Variants in ZNF326 observed in about 807,000 individuals in gnomAD.
ZNF326 encodes DBIRD complex subunit ZNF326.
A neutral mutation model predicts 63.1 loss-of-function variants in ZNF326; 30 were observed. The observed-to-expected ratio is 0.48, with a 90% CI of 0.36 to 0.64. The LOEUF (loss-of-function observed/expected upper bound fraction) is 0.64. ZNF326 is among the 30% of genes least tolerant of loss of function. ZNF326 has a pLI of 0.00. For synonymous variants in ZNF326, 194 were observed against 228.2 expected, an observed-to-expected ratio of 0.85 and a Z score of 1.35; for missense variants, 609 against 720.3, an observed-to-expected ratio of 0.85 and a Z score of 1.77.
intron 6 of ZNF326, 127 bp downstream of exon 6, chr1:90,010,413 T>C: frequency 1.0e-6 from 1 of 975,574 alleles, no homozygotes; most frequent in Non-Finnish European, 1.5e-6. Context: ...AGAAGTTAGA[T>C]CTGTAAATCC....
chr1:90,000,240 T>C (rs955857677), intron 2 of ZNF326, among the ~76,000 whole-genome samples: 1 of 152,220 alleles, frequency 6.6e-6, no homozygotes, highest in African/African-American at 2.4e-5. Flanking sequence ...ATATATTTTA[T>C]TGTTAGCACT....
At chr1:90,019,380 CT>C (rs1649655584) in intron 9 of ZNF326, among the ~76,000 whole-genome samples, 1 of 152,172 alleles carries the variant, frequency 6.6e-6, no homozygotes, top group Non-Finnish European at 1.5e-5. Context: ...CTTTCTACTA[CT>C]GTTAGTCTAC....
chr1:90,027,812 A>G lies in ZNF326; in HGVS notation c.*111A>G, dbSNP rs545308891. The G allele has an allele frequency of 1.1e-6, 1 of 945,088 alleles. No individual in the cohort carries two copies. The highest frequency in any genetic ancestry group is 1.6e-6 in the Non-Finnish European group (1 of 638,520). 58.5% of individuals were successfully genotyped at this position (945,088 alleles called of 1,614,324 possible). On this transcript the variant is annotated 3_prime_UTR_variant, in exon 12 of 12. Coordinates refer to ENST00000340281, the MANE Select transcript of ZNF326 (RefSeq NM_182976.4). Reference sequence around the variant, plus strand: ...TTAACACCCATGTTGCATGCATTCCACATATTAAAATTTGTTTTATATAAT... The same window carrying G: ...TTAACACCCATGTTGCATGCATTCCGCATATTAAAATTTGTTTTATATAAT...
Position 90,031,196 on chromosome 1 carries a change from G to A in ZNF326, c.*3495G>A, listed in dbSNP as rs1237441341. 1.3e-5 allele frequency: 2 copies of A among 152,098 alleles called. No homozygotes were observed. The highest frequency in any genetic ancestry group is 4.8e-5 in the African/African-American group (2 of 41,404). 9.4% of individuals were successfully genotyped at this position (152,098 alleles called of 1,614,324 possible). A position where few individuals can be genotyped will look rare whatever the true frequency, so the allele number is the denominator to read the frequency against. On this transcript the variant is annotated 3_prime_UTR_variant, in exon 12 of 12. Transcript: ENST00000340281. ...CAGACCTGTGGGAGTCAGAAAATGG[G>A]GACTTTTCCCCCCTCATTTAATACT...
intron 7 of ZNF326, among the ~76,000 whole-genome samples, chr1:90,017,054 G>A (rs1475980124): frequency 6.6e-6 from 1 of 152,154 alleles, no homozygotes; most frequent in Non-Finnish European, 1.5e-5. Flanking sequence ...GGCTTGAAGT[G>A]GATAACTTAT....
At chr1:90,026,011 G>C (rs1044864559) in intron 11 of ZNF326, among the ~76,000 whole-genome samples, 5 of 150,120 alleles carry the variant, frequency 3.3e-5, no homozygotes, top group Non-Finnish European at 4.4e-5. Flanking sequence ...GTGTCGCCCA[G>C]GCCATGCAGT....
intron 6 of ZNF326, among the ~76,000 whole-genome samples, chr1:90,011,050 A>C (rs1649208358): frequency 6.6e-6 from 1 of 152,232 alleles, no homozygotes; most frequent in South Asian, 2.1e-4. Context: ...TTCTCTTGGG[A>C]CCTATTTCAA....
intron 5 of ZNF326, among the ~76,000 whole-genome samples, chr1:90,008,665 C>T (rs1649102524): frequency 1.3e-5 from 2 of 152,228 alleles, no homozygotes. Flanking sequence ...AAGTCAGCTG[C>T]TCTTAATATT....
intron 9 of ZNF326, 113 bp from the exon 10 acceptor site, chr1:90,020,679 A>G: frequency 9.7e-7 from 1 of 1,031,704 alleles, no homozygotes; most frequent in Non-Finnish European, 1.4e-6. Context: ...ATGCACTCTG[A>G]TCTTTATTTT....
At chr1:90,005,979 G>A (rs1022539826) in intron 4 of ZNF326, 8 of 985,274 alleles carry the variant, frequency 8.1e-6, no homozygotes, top group African/African-American at 7.0e-5. Context: ...TTCAGGAGAA[G>A]GGGTGTCTAC....
chr1:89,998,528 G>A lies in ZNF326; in HGVS notation c.61+374G>A, dbSNP rs548853155. 1.5e-4 allele frequency among the ~76,000 whole-genome samples: 23 copies of A among 152,274 alleles called. No individual in the cohort carries two copies. The South Asian group carries it at 4.8e-3, about 32-fold the overall frequency. The stretch of plus-strand genomic sequence containing the variant: ...TTATTGGCTTGGTTCTATATAGCTT[G>A]TATTGTAATGCATTTTGACCTTGTT... On this transcript the variant is annotated intron_variant, in intron 2 of 11. Transcript: ENST00000340281.
chr1:90,026,264 A>G (rs1299669084), intron 11 of ZNF326, among the ~76,000 whole-genome samples: 1 of 151,670 alleles, frequency 6.6e-6, no homozygotes, highest in East Asian at 1.9e-4. Flanking sequence ...TTCACTTCTA[A>G]CTTCTGCTGC....
At chr1:90,002,244 T>C (rs574562970) in intron 2 of ZNF326, among the ~76,000 whole-genome samples, 107 of 152,314 alleles carry the variant, frequency 7.0e-4, no homozygotes, top group South Asian at 2.5e-3. Context: ...ATCATTGCTA[T>C]ATAAAAGTAG....
intron 8 of ZNF326, 79 bp downstream of exon 8, chr1:90,017,543 C>T: frequency 3.8e-6 from 5 of 1,316,896 alleles, no homozygotes; most frequent in Non-Finnish European, 5.2e-6. Flanking sequence ...CTCCCCATCT[C>T]TCACATTTAT....
intron 5 of ZNF326, among the ~76,000 whole-genome samples, chr1:90,009,491 A>G (rs1649139012): frequency 6.6e-6 from 1 of 152,124 alleles, no homozygotes; most frequent in South Asian, 2.1e-4. Context: ...AAGAATGTGA[A>G]TGGAACGTCA....
chr1:90,013,893 C>T (rs1379087900), intron 7 of ZNF326, among the ~76,000 whole-genome samples: 1 of 151,900 alleles, frequency 6.6e-6, no homozygotes, highest in African/African-American at 2.4e-5. Context: ...GAAACCCCGT[C>T]TCTACTAAAA....
At chr1:90,024,241 AAAAAC>A (rs1038418615) in intron 11 of ZNF326, among the ~76,000 whole-genome samples, 6 of 149,660 alleles carry the variant, frequency 4.0e-5, no homozygotes, top group Middle Eastern at 3.4e-3. Context: ...GAGAAGACAA[AAAAAC>A]AAAACAAAAC....
chr1:90,000,579 C>G (rs568123685), intron 2 of ZNF326, among the ~76,000 whole-genome samples: 39 of 152,062 alleles, frequency 2.6e-4, no homozygotes, highest in Non-Finnish European at 4.6e-4. Context: ...GTGGTGCCCC[C>G]CTATAGTTCC....
intron 2 of ZNF326, among the ~76,000 whole-genome samples, chr1:90,001,727 TTG>T (rs1648692589): frequency 6.6e-6 from 1 of 151,978 alleles, no homozygotes; most frequent in African/African-American, 2.4e-5. Flanking sequence ...CTAATTTTTT[TTG>T]TGTTTTTTAG....
Sources: gnomAD v4.1 joint callset for allele counts (sites outside exome capture counted in the v4.1 genomes callset) on GRCh38, gnomAD v4.1.1 for gene constraint, MANE v1.5 for transcripts, NCBI Gene and HGNC (gene_info 2026-07-23, HGNC 2026-07-21) for gene names.